Variants in CCDC13 observed in about 807,000 individuals in gnomAD.
CCDC13 encodes the protein coiled-coil domain-containing protein 13.
CCDC13 carries 70 observed loss-of-function variants against 87.3 expected under a neutral mutation model. The ratio of observed to expected loss-of-function variants is 0.80; its 90% CI spans 0.66 to 0.98. The LOEUF (loss-of-function observed/expected upper bound fraction) is 0.98. Among genes scored for constraint, CCDC13 ranks in the 50% least tolerant of loss-of-function variants. The probability of loss-of-function intolerance (pLI) is 0.00; values close to 1 mark genes in which losing one functional copy is unlikely to be tolerated. For missense variants in CCDC13, 842 were observed against 892.0 expected (o/e 0.94, Z 0.71); for synonymous variants, 317 against 360.3 (o/e 0.88, Z 1.36).
chr3:42,765,292 G>A (rs967326015), intron 1 of CCDC13, among the ~76,000 whole-genome samples: 8 of 152,228 alleles, frequency 5.3e-5, no homozygotes, highest in Admixed American at 2.6e-4. Flanking sequence ...CCTGCACTGA[G>A]AGGACACCTG....
chr3:42,760,687 C>T (rs1053180036), intron 1 of CCDC13, among the ~76,000 whole-genome samples: 4 of 150,778 alleles, frequency 2.7e-5, no homozygotes, highest in Admixed American at 2.0e-4. Context: ...CCAGCCTGGC[C>T]GAGGTTGCAG....
intron 1 of CCDC13, among the ~76,000 whole-genome samples, chr3:42,765,912 A>C (rs1699922388): frequency 6.6e-6 from 1 of 152,200 alleles, no homozygotes; most frequent in South Asian, 2.1e-4. Context: ...CCTGGACTTT[A>C]TCCTGAGGCG....
At chr3:42,769,869 G>C (rs2125916708) in intron 1 of CCDC13, among the ~76,000 whole-genome samples, 1 of 152,384 alleles carries the variant, frequency 6.6e-6, no homozygotes, top group East Asian at 1.9e-4. Flanking sequence ...CAGCTGCTGT[G>C]CTCAATTTCT....
intron 7 of CCDC13, among the ~76,000 whole-genome samples, chr3:42,744,434 A>G (rs910269415): frequency 1.3e-5 from 2 of 152,210 alleles, no homozygotes; most frequent in African/African-American, 4.8e-5. Context: ...ACAGCTTTGA[A>G]GGCACCCACC....
intron 14 of CCDC13, among the ~76,000 whole-genome samples, chr3:42,710,045 G>A (rs1470630683): frequency 6.6e-6 from 1 of 151,722 alleles, no homozygotes; most frequent in Non-Finnish European, 1.5e-5. Context: ...TACCAGGGTG[G>A]TTCCTCACCA....
intron 13 of CCDC13, among the ~76,000 whole-genome samples, chr3:42,726,191 G>C (rs1011665002): frequency 2.6e-5 from 4 of 152,050 alleles, no homozygotes; most frequent in Non-Finnish European, 4.4e-5. Flanking sequence ...ACAGGTGCCT[G>C]CCACCACACC....
intron 3 of CCDC13, among the ~76,000 whole-genome samples, chr3:42,756,297 C>T (rs1042942293): frequency 7.9e-5 from 12 of 152,212 alleles, no homozygotes; most frequent in African/African-American, 2.7e-4. Context: ...GTCCTCACTA[C>T]ATCAGCAGGG....
At chr3:42,728,725 A>G (rs56232384) in intron 13 of CCDC13, among the ~76,000 whole-genome samples, 28,865 of 152,082 alleles carry the variant, frequency 0.19, 2,853 homozygotes, top group South Asian at 0.25. Flanking sequence ...CTTAGCAATA[A>G]CCTCAAGGAA....
At position 42,739,639 on chromosome 3, in the gene CCDC13, G is replaced by C. The variant is rs1326648307; in HGVS notation, c.1159C>G (p.Leu387Val). The change falls in exon 9 of 16, where the codon CTC becomes GTC. Residue 387 changes from leucine to valine, a missense_variant. Coordinates refer to ENST00000310232, the MANE Select transcript of CCDC13 (RefSeq NM_144719.4). ...CCTGAGTGGTGGGGCCATACCATGA[G>C]GGCGTCGATGAGCTCGTCATCATGC... ...GRHDDELIDALMDQLKQLQEI... is the reference protein window; with the variant it reads ...GRHDDELIDAVMDQLKQLQEI... 21 of 1,613,548 alleles carry C rather than the reference G, an allele frequency of 1.3e-5. No individual in the cohort carries two copies. The highest frequency in any genetic ancestry group is 1.8e-5 in the Non-Finnish European group (21 of 1,179,744).
chr3:42,745,745 A>G, intron 7 of CCDC13, 178 bp downstream of exon 7: 1 of 515,060 alleles, frequency 1.9e-6, no homozygotes. Context: ...TAAATAACAA[A>G]TTAAAATCAG....
intron 6 of CCDC13, chr3:42,747,008 C>A: frequency 3.3e-6 from 2 of 601,346 alleles, no homozygotes; most frequent in South Asian, 3.6e-5. Flanking sequence ...TGGGCAGGCA[C>A]CACAAGGGCA....
chr3:42,730,813 G>A (rs567926766), intron 12 of CCDC13, among the ~76,000 whole-genome samples: 47 of 152,292 alleles, frequency 3.1e-4, no homozygotes, highest in African/African-American at 1.0e-3. Context: ...ACCAGAACTA[G>A]AGTTACACTG....
chr3:42,758,561 C>G (rs1699761650), intron 1 of CCDC13, among the ~76,000 whole-genome samples: 1 of 152,178 alleles, frequency 6.6e-6, no homozygotes, highest in African/African-American at 2.4e-5. Flanking sequence ...AACATGCCAC[C>G]AGATTGCACA....
At chr3:42,727,165 A>G (rs1172353190) in intron 13 of CCDC13, among the ~76,000 whole-genome samples, 4 of 152,160 alleles carry the variant, frequency 2.6e-5, no homozygotes, top group African/African-American at 9.7e-5. Flanking sequence ...TGAGGTCAGG[A>G]GTTCGAAATC....
intron 2 of CCDC13, among the ~76,000 whole-genome samples, 182 bp from the exon 3 acceptor site, chr3:42,757,396 C>T (rs1248001771): frequency 6.6e-6 from 1 of 152,248 alleles, no homozygotes; most frequent in Non-Finnish European, 1.5e-5. Context: ...AAAACCCACT[C>T]ATAATTCATA....
chr3:42,706,966 C>T lies in CCDC13; in HGVS notation c.*2014G>A, dbSNP rs551951939. Among the ~76,000 whole-genome samples the T allele has an allele frequency of 6.6e-6, 1 of 152,362 alleles. No individual in the cohort carries two copies. The highest frequency in any genetic ancestry group is 2.4e-5 in the African/African-American group (1 of 41,598). On this transcript the variant is annotated 3_prime_UTR_variant, in exon 16 of 16. Coordinates refer to ENST00000310232, the MANE Select transcript of CCDC13 (RefSeq NM_144719.4). Reference sequence around the variant, plus strand: ...CAGGCAGCCCCACCTGTCCAGACTCCATGACCTAATGCTCCTTCCTTTCTC... The same window carrying T: ...CAGGCAGCCCCACCTGTCCAGACTCTATGACCTAATGCTCCTTCCTTTCTC...
At chr3:42,772,581 G>C (rs1420408839) in intron 1 of CCDC13, among the ~76,000 whole-genome samples, 1 of 152,122 alleles carries the variant, frequency 6.6e-6, no homozygotes, top group Non-Finnish European at 1.5e-5. Context: ...ACAGTCTAGG[G>C]GCCTGGAGGT....
intron 7 of CCDC13, among the ~76,000 whole-genome samples, chr3:42,743,328 C>T (rs934040556): frequency 6.6e-6 from 1 of 151,990 alleles, no homozygotes; most frequent in Non-Finnish European, 1.5e-5. Context: ...GGAAAGCAGA[C>T]CTATGGCCCC....
Position 42,711,246 on chromosome 3 carries a change from C to CAAAAAAAAAAA in CCDC13, c.1874-1459_1874-1449dup, listed in dbSNP as rs1174084143. ...GAGGGACAGAGTGAGACTCTGTCTC[C>CAAAAAAAAAAA]AAAAAAAAAAAAAAAAAAAAGACAA... On this transcript the variant is annotated intron_variant, in intron 14 of 15. Transcript: ENST00000310232. Among the ~76,000 whole-genome samples the CAAAAAAAAAAA allele has an allele frequency of 2.3e-3, 174 of 75,312 alleles. 3 individuals carry two copies. Among genetic ancestry groups the CAAAAAAAAAAA allele is most frequent in the African/African-American group, 9.2e-3 (165 of 17,906 alleles). 49.4% of individuals were successfully genotyped at this position (75,312 alleles called of 152,430 possible). A position where few individuals can be genotyped will look rare whatever the true frequency, so the allele number is the denominator to read the frequency against.
Sources: gnomAD v4.1 joint callset for allele counts (sites outside exome capture counted in the v4.1 genomes callset) on GRCh38, gnomAD v4.1.1 for gene constraint, MANE v1.5 for transcripts, NCBI Gene and HGNC (gene_info 2026-07-23, HGNC 2026-07-21) for gene names.